The following ANKRD6 variants were observed in gnomAD, a reference collection of about 807,000 sequenced individuals.
ANKRD6 encodes ankyrin repeat domain 6.
A neutral mutation model predicts 82.3 loss-of-function variants in ANKRD6; 56 were observed. The ratio of observed to expected loss-of-function variants is 0.68; its 90% CI spans 0.55 to 0.85. The LOEUF (loss-of-function observed/expected upper bound fraction) is 0.85. Ranked by LOEUF, ANKRD6 falls within the 40% of genes least tolerant of loss-of-function variation. ANKRD6 has a pLI of 0.00. For synonymous variants in ANKRD6, 347 were observed against 352.1 expected (o/e 0.99, Z 0.16); for missense variants, 852 against 907.6 (o/e 0.94, Z 0.79).
intron 1 of ANKRD6, among the ~76,000 whole-genome samples, chr6:89,471,619 G>C (rs972296693): frequency 6.6e-6 from 1 of 151,992 alleles, no homozygotes; most frequent in African/African-American, 2.4e-5. Context: ...CTGTGTGTTA[G>C]TGTGTATGTG....
intron 1 of ANKRD6, among the ~76,000 whole-genome samples, chr6:89,447,427 T>C (rs996594404): frequency 3.9e-5 from 6 of 152,146 alleles, no homozygotes; most frequent in African/African-American, 1.4e-4. Context: ...CTCTATCAAT[T>C]GTGTAAAGGC....
chr6:89,581,583 G>C (rs1310103632), intron 2 of ANKRD6: 1 of 152,230 alleles, frequency 6.6e-6, no homozygotes, highest in Middle Eastern at 3.2e-3. Flanking sequence ...TCTGGCCTCG[G>C]TTCCTCTTCA....
rs116355190 is a variant in ANKRD6 at position 89,450,140 on chromosome 6, C to T, written c.-144+16765C>T. Among the ~76,000 whole-genome samples, 415 of 152,048 alleles carry T rather than the reference C, an allele frequency of 2.7e-3. 1 individual carries two copies. Among genetic ancestry groups the T allele is most frequent in the African/African-American group, 9.6e-3 (399 of 41,476 alleles). Reference sequence around the variant, plus strand: ...TCACCTGAGGTCAGGAGATCCAGACCAGCCTGGCCAGCGTAGTGAAACCTC... The same window carrying T: ...TCACCTGAGGTCAGGAGATCCAGACTAGCCTGGCCAGCGTAGTGAAACCTC... On this transcript the variant is annotated intron_variant, in intron 1 of 15. Coordinates refer to ENST00000339746, the MANE Select transcript of ANKRD6 (RefSeq NM_001242809.2).
intron 2 of ANKRD6, among the ~76,000 whole-genome samples, chr6:89,568,594 A>G (rs563728557): frequency 4.3e-4 from 66 of 152,220 alleles, no homozygotes; most frequent in African/African-American, 1.6e-3. Context: ...AATGGTATTT[A>G]GAGATATAGG....
At chr6:89,536,185 G>A (rs1172936227) in intron 1 of ANKRD6, among the ~76,000 whole-genome samples, 6 of 152,166 alleles carry the variant, frequency 3.9e-5, no homozygotes, top group South Asian at 2.1e-4. Context: ...AGCCGAGATC[G>A]CACCAATGCA....
chr6:89,468,091 A>G (rs994338209), intron 1 of ANKRD6, among the ~76,000 whole-genome samples: 4 of 152,278 alleles, frequency 2.6e-5, no homozygotes, highest in African/African-American at 9.6e-5. Flanking sequence ...AAATTAGGCG[A>G]CCCACACCAA....
chr6:89,511,173 C>T (rs1231621899), intron 1 of ANKRD6, among the ~76,000 whole-genome samples: 1 of 152,188 alleles, frequency 6.6e-6, no homozygotes, highest in Non-Finnish European at 1.5e-5. Flanking sequence ...CCTCTTCCTC[C>T]GTAGACTCTT....
intron 1 of ANKRD6, among the ~76,000 whole-genome samples, chr6:89,522,435 A>C (rs1363871575): frequency 6.6e-6 from 1 of 152,222 alleles, no homozygotes. Context: ...GAGCTGAAAT[A>C]GAAGTGCTTC....
intron 1 of ANKRD6, among the ~76,000 whole-genome samples, chr6:89,455,134 A>G (rs969667742): frequency 2.0e-5 from 3 of 148,920 alleles, no homozygotes; most frequent in Non-Finnish European, 4.4e-5. Flanking sequence ...GTGAGCCACC[A>G]CACCCAGTGT....
intron 13 of ANKRD6, among the ~76,000 whole-genome samples, 186 bp from the exon 14 acceptor site, chr6:89,627,397 T>C (rs995305139): frequency 6.6e-6 from 1 of 152,200 alleles, no homozygotes; most frequent in Non-Finnish European, 1.5e-5. Flanking sequence ...GTTGGCCTCA[T>C]AGAAACATGC....
Position 89,632,117 on chromosome 6 carries a change from A to C in ANKRD6, c.*1113A>C, listed in dbSNP as rs973119639. On this transcript the variant is annotated 3_prime_UTR_variant, in exon 16 of 16. Transcript: ENST00000339746. ...TCTTGTCCTTTGGAATATGGGATTT[A>C]TATTCATCTCCTCAATATCCCATGT... The C allele has an allele frequency of 6.6e-6, 1 of 152,230 alleles. No individual in the cohort carries two copies. Among genetic ancestry groups the C allele is most frequent in the Non-Finnish European group, 1.5e-5 (1 of 68,036 alleles). The allele number at this position is 152,230 out of a possible 1,614,324, so 9.4% of individuals were successfully genotyped here.
At chr6:89,572,620 T>C (rs1183444089) in intron 2 of ANKRD6, among the ~76,000 whole-genome samples, 2 of 152,224 alleles carry the variant, frequency 1.3e-5, no homozygotes, top group Non-Finnish European at 2.9e-5. Context: ...GTCATGAAGC[T>C]TTTCCCCTTG....
At chr6:89,577,690 AC>A (rs1791442065) in intron 2 of ANKRD6, among the ~76,000 whole-genome samples, 1 of 152,188 alleles carries the variant, frequency 6.6e-6, no homozygotes, top group African/African-American at 2.4e-5. Context: ...GGTGATGCAC[AC>A]CTATAGTCCT....
intron 1 of ANKRD6, among the ~76,000 whole-genome samples, chr6:89,501,468 A>T (rs1779252763): frequency 6.6e-6 from 1 of 152,200 alleles, no homozygotes; most frequent in Admixed American, 6.5e-5. Context: ...TTACTTAAAC[A>T]TTCTTTAGAA....
chr6:89,491,753 G>A (rs975223885), intron 1 of ANKRD6, among the ~76,000 whole-genome samples: 4 of 151,766 alleles, frequency 2.6e-5, no homozygotes, highest in African/African-American at 7.3e-5. Context: ...AAACCTGCAC[G>A]TTGTGCACAT....
intron 1 of ANKRD6, among the ~76,000 whole-genome samples, chr6:89,539,711 C>T (rs1784240577): frequency 6.6e-6 from 1 of 151,374 alleles, no homozygotes; most frequent in Non-Finnish European, 1.5e-5. Flanking sequence ...TATAGTCACT[C>T]TGCTGTGCTA....
At chr6:89,521,414 A>G (rs891079398) in intron 1 of ANKRD6, among the ~76,000 whole-genome samples, 1 of 152,188 alleles carries the variant, frequency 6.6e-6, no homozygotes, top group African/African-American at 2.4e-5. Flanking sequence ...GGACTCAGGA[A>G]TGTGGCAAGC....
intron 1 of ANKRD6, among the ~76,000 whole-genome samples, chr6:89,502,428 T>G (rs1779367821): frequency 6.6e-6 from 1 of 152,132 alleles, no homozygotes; most frequent in Non-Finnish European, 1.5e-5. Flanking sequence ...GGTGGATCGC[T>G]TGAGCCCAGG....
At chr6:89,573,146 C>T (rs1426798099) in intron 2 of ANKRD6, among the ~76,000 whole-genome samples, 2 of 152,136 alleles carry the variant, frequency 1.3e-5, no homozygotes, top group South Asian at 2.1e-4. Context: ...TGAGCAACTT[C>T]CTGGGCGATC....
Sources: allele counts gnomAD v4.1 joint callset (sites outside exome capture counted in the v4.1 genomes callset), GRCh38; gene constraint gnomAD v4.1.1; transcripts MANE v1.5; gene names NCBI Gene and HGNC (gene_info 2026-07-23, HGNC 2026-07-21).